Variants in ERBIN observed in about 807,000 individuals in gnomAD.
ERBIN encodes the protein erbb2 interacting protein.
Under a neutral mutation model 158.4 loss-of-function variants are expected in ERBIN, and 60 were observed. That is an observed-to-expected ratio of 0.38 (90% CI 0.31 to 0.47). ERBIN has a LOEUF of 0.47. Ranked by LOEUF, ERBIN falls within the 20% of genes least tolerant of loss-of-function variation. ERBIN has a pLI of 0.99. For synonymous variants in ERBIN, 594 were observed against 557.2 expected (o/e 1.07, Z -0.93); for missense variants, 1,610 against 1,648.0 (o/e 0.98, Z 0.40).
chr5:66,013,288 A>G (rs1439493248), intron 5 of ERBIN, among the ~76,000 whole-genome samples: 1 of 152,190 alleles, frequency 6.6e-6, no homozygotes, highest in South Asian at 2.1e-4. Flanking sequence ...TGGCTCATTC[A>G]TAGTTGACTG....
intron 1 of ERBIN, among the ~76,000 whole-genome samples, chr5:65,979,331 G>T (rs1750388336): frequency 1.3e-5 from 2 of 152,260 alleles, no homozygotes; most frequent in Admixed American, 6.5e-5. Flanking sequence ...GGGAGACTGA[G>T]GTTGGGGATT....
chr5:66,050,623 G>C (rs1758924211), intron 19 of ERBIN, among the ~76,000 whole-genome samples, 160 bp from the exon 20 acceptor site: 1 of 151,910 alleles, frequency 6.6e-6, no homozygotes, highest in Non-Finnish European at 1.5e-5. Context: ...TTTAATCTTT[G>C]TATTAGGACT....
Position 65,954,284 on chromosome 5 carries a change from C to T in ERBIN, c.-58+27478C>T, listed in dbSNP as rs74430838. Among the ~76,000 whole-genome samples, 385 of 152,264 alleles carry T rather than the reference C, an allele frequency of 2.5e-3. 2 individuals carry two copies. The highest frequency in any genetic ancestry group is 8.6e-3 in the African/African-American group (358 of 41,562). ...GGAAAAAAGAGCTGAGCTGCAACTC[C>T]GGTTTCAGAGGTTGTGTCCTGTGCT... On this transcript the variant is annotated intron_variant, in intron 1 of 25. Coordinates refer to ENST00000284037, the MANE Select transcript of ERBIN (RefSeq NM_001253697.2).
At chr5:65,945,033 A>G (rs185616540) in intron 1 of ERBIN, among the ~76,000 whole-genome samples, 9 of 152,332 alleles carry the variant, frequency 5.9e-5, no homozygotes, top group Middle Eastern at 3.4e-3. Flanking sequence ...TCTTGATCAC[A>G]TTTATTGGAA....
chr5:66,010,996 G>A (rs1385791244), intron 4 of ERBIN, among the ~76,000 whole-genome samples: 1 of 152,186 alleles, frequency 6.6e-6, no homozygotes, highest in African/African-American at 2.4e-5. Flanking sequence ...GTCCACAACA[G>A]ATTGGAAAAT....
chr5:66,026,725 A>G (rs1255741634), intron 13 of ERBIN, among the ~76,000 whole-genome samples: 1 of 152,004 alleles, frequency 6.6e-6, no homozygotes, highest in African/African-American at 2.4e-5. Flanking sequence ...TTAACTGTAT[A>G]TATTTTTTTC....
Position 65,982,383 on chromosome 5 carries a change from A to G in ERBIN, c.-57-6252A>G, listed in dbSNP as rs541358441. ...TTATTATCCTAGAATGTCTTTATAC[A>G]AACACCTTATGTAAATGACATTGCT... On this transcript the variant is annotated intron_variant, in intron 1 of 25. Transcript: ENST00000284037. 2.0e-5 allele frequency among the ~76,000 whole-genome samples: 3 copies of G among 152,356 alleles called. No homozygotes were observed. The South Asian group carries it at 6.2e-4, about 32-fold the overall frequency.
chr5:66,070,024 T>TATTTATTTATTTATTC (rs1561454988), intron 21 of ERBIN, among the ~76,000 whole-genome samples: 1 of 152,036 alleles, frequency 6.6e-6, no homozygotes, highest in Non-Finnish European at 1.5e-5. Flanking sequence ...CTCCCAATTT[T>TATTTATTTATTTATTC]ATTTATTTAT....
At position 66,058,505 on chromosome 5, in the gene ERBIN, G is replaced by A. The variant is rs1379940791; in HGVS notation, c.3633+3554G>A. On this transcript the variant is annotated intron_variant, in intron 21 of 25. Coordinates refer to ENST00000284037, the MANE Select transcript of ERBIN (RefSeq NM_001253697.2). ...TAGGTTGCCTGTTCACTCTGATGGT[G>A]GTTTCTTTTGCTGTGCAGAAGCTCT... Among the ~76,000 whole-genome samples the A allele has an allele frequency of 2.6e-5, 4 of 151,150 alleles. No individual in the cohort carries two copies. In the East Asian group the frequency reaches 5.8e-4, roughly 22 times the overall value.
chr5:66,047,528 A>G (rs951679346), intron 18 of ERBIN, among the ~76,000 whole-genome samples: 5 of 152,084 alleles, frequency 3.3e-5, no homozygotes, highest in African/African-American at 1.2e-4. Context: ...GTGGTAATGT[A>G]AAATGGTGAA....
In ERBIN at chr5:65,967,226, TTTA is replaced by T. The variant is rs1330215910; in HGVS notation, c.-57-21402_-57-21400del. Reference sequence around the variant, plus strand: ...TTTATAACGTTATAATAAGCTAAGGTTTATTATTAAAGAAAAAAAATTTTAAAT... The same window carrying T: ...TTTATAACGTTATAATAAGCTAAGGTTTATTAAAGAAAAAAAATTTTAAAT... On this transcript the variant is annotated intron_variant, in intron 1 of 25. Coordinates refer to ENST00000284037, the MANE Select transcript of ERBIN (RefSeq NM_001253697.2). Among the ~76,000 whole-genome samples, 3 of 152,232 alleles carry T rather than the reference TTTA, an allele frequency of 2.0e-5. No homozygotes were observed. The East Asian group carries it at 5.8e-4, about 29-fold the overall frequency.
chr5:66,065,241 A>G (rs914049611), intron 21 of ERBIN, among the ~76,000 whole-genome samples: 3 of 152,218 alleles, frequency 2.0e-5, no homozygotes, highest in African/African-American at 7.2e-5. Flanking sequence ...GGATAAGAAA[A>G]AAGTGTGTTT....
In ERBIN at chr5:65,970,411, G is replaced by A. The variant is rs181647263; in HGVS notation, c.-57-18224G>A. Among the ~76,000 whole-genome samples the A allele has an allele frequency of 2.1e-3, 326 of 152,136 alleles. 2 individuals are homozygous for A. The highest frequency in any genetic ancestry group is 7.7e-3 in the African/African-American group (319 of 41,506). On this transcript the variant is annotated intron_variant, in intron 1 of 25. Transcript: ENST00000284037. ...CTAGCCCCCTGCTGACTACCCTAAC[G>A]TCATTCCTATATATTTCAAAGCCTA...
intron 1 of ERBIN, among the ~76,000 whole-genome samples, chr5:65,946,773 G>A (rs1737590052): frequency 6.6e-6 from 1 of 150,826 alleles, no homozygotes; most frequent in African/African-American, 2.4e-5. Flanking sequence ...ATCCTAGCCA[G>A]CAATTGGTTG....
At chr5:65,951,021 A>G (rs1306470245) in intron 1 of ERBIN, among the ~76,000 whole-genome samples, 1 of 152,196 alleles carries the variant, frequency 6.6e-6, no homozygotes, top group Non-Finnish European at 1.5e-5. Flanking sequence ...ATTAGAAGGT[A>G]GATTTTGTGA....
At chr5:66,029,728 C>T (rs13354621) in intron 14 of ERBIN, among the ~76,000 whole-genome samples, 2,635 of 152,220 alleles carry the variant, frequency 0.017, 78 homozygotes, top group African/African-American at 0.061. Context: ...CCTCAGCCTC[C>T]CGAGTAGCTG....
intron 21 of ERBIN, among the ~76,000 whole-genome samples, chr5:66,067,943 C>T (rs1261021613): frequency 6.6e-6 from 1 of 152,018 alleles, no homozygotes; most frequent in African/African-American, 2.4e-5. Flanking sequence ...AGACCCATGT[C>T]TCTTTAAAAA....
intron 20 of ERBIN, among the ~76,000 whole-genome samples, chr5:66,052,228 A>G (rs2151232890): frequency 6.6e-6 from 1 of 151,816 alleles, no homozygotes; most frequent in South Asian, 2.1e-4. Flanking sequence ...CGGGGTTACT[A>G]CTAAACCAAA....
chr5:66,049,403 A>G (rs1758797694), intron 19 of ERBIN, among the ~76,000 whole-genome samples: 1 of 152,120 alleles, frequency 6.6e-6, no homozygotes, highest in Non-Finnish European at 1.5e-5. Flanking sequence ...CTTATTATCA[A>G]GGTGGCCCTT....
Sources: gnomAD v4.1 joint callset for allele counts (sites outside exome capture counted in the v4.1 genomes callset) on GRCh38, gnomAD v4.1.1 for gene constraint, MANE v1.5 for transcripts, NCBI Gene and HGNC (gene_info 2026-07-23, HGNC 2026-07-21) for gene names.